Variants in RUFY3 observed in about 807,000 individuals in gnomAD.
RUFY3 encodes protein RUFY3.
Under a neutral mutation model 84.0 loss-of-function variants are expected in RUFY3, and 34 were observed. The observed-to-expected ratio is 0.40, with a 90% confidence interval of 0.31 to 0.54. The LOEUF (loss-of-function observed/expected upper bound fraction) is 0.54. RUFY3 is among the 20% of genes least tolerant of loss of function. The probability of loss-of-function intolerance (pLI) is 0.39; values close to 1 mark genes in which losing one functional copy is unlikely to be tolerated. For missense variants in RUFY3, 507 were observed against 736.8 expected, an observed-to-expected ratio of 0.69 and a Z score of 3.61; for synonymous variants, 242 against 252.9, an observed-to-expected ratio of 0.96 and a Z score of 0.41.
At chr4:70,708,479 ACTT>A (rs1484023526) in intron 1 of RUFY3, among the ~76,000 whole-genome samples, 1 of 152,232 alleles carries the variant, frequency 6.6e-6, no homozygotes, top group Non-Finnish European at 1.5e-5. Context: ...TTTTTAAAAG[ACTT>A]CTTAATTACG....
chr4:70,748,348 G>A (rs1362773111), intron 1 of RUFY3, among the ~76,000 whole-genome samples: 7 of 152,050 alleles, frequency 4.6e-5, no homozygotes, highest in East Asian at 3.9e-4. Context: ...TTGGAATACC[G>A]TCCTTCATGT....
chr4:70,768,300 AT>A (rs945635695), intron 4 of RUFY3, among the ~76,000 whole-genome samples: 32 of 152,074 alleles, frequency 2.1e-4, no homozygotes, highest in South Asian at 8.3e-4. Flanking sequence ...TGCGCCTATT[AT>A]TTTTTTCTTT....
intron 1 of RUFY3, among the ~76,000 whole-genome samples, chr4:70,761,582 G>C (rs995244529): frequency 1.6e-4 from 24 of 152,178 alleles, no homozygotes; most frequent in African/African-American, 5.6e-4. Flanking sequence ...GTTGTAAGGA[G>C]AGATGGAGAT....
At chr4:70,775,310 G>T (rs1727746473) in intron 7 of RUFY3, 77 bp downstream of exon 7, 2 of 977,512 alleles carry the variant, frequency 2.0e-6, no homozygotes, top group South Asian at 3.2e-5. Context: ...TGCGCAGTGA[G>T]GATAAATTCA....
chr4:70,741,569 T>C, intron 1 of RUFY3: 1 of 1,438,738 alleles, frequency 7.0e-7, no homozygotes, highest in East Asian at 2.5e-5. Flanking sequence ...AGCACTTTTC[T>C]TTCTGGGCTT....
At chr4:70,746,541 A>C (rs573769085) in intron 1 of RUFY3, among the ~76,000 whole-genome samples, 10 of 151,780 alleles carry the variant, frequency 6.6e-5, no homozygotes, top group African/African-American at 2.4e-4. Context: ...TACATGGAAG[A>C]CCATAATAAT....
intron 5 of RUFY3, among the ~76,000 whole-genome samples, chr4:70,769,209 G>A (rs1175835393): frequency 6.6e-6 from 1 of 152,074 alleles, no homozygotes. Flanking sequence ...AGCTGGTTGT[G>A]TAGCTACTTG....
chr4:70,803,670 C>T (rs75326229), intron 16 of RUFY3, among the ~76,000 whole-genome samples: 6,270 of 151,958 alleles, frequency 0.041, 291 homozygotes, highest in East Asian at 0.2. Context: ...CCTTGGCCTC[C>T]CAAAGTGCTG....
intron 1 of RUFY3, among the ~76,000 whole-genome samples, chr4:70,758,938 C>T (rs1578111107): frequency 1.3e-5 from 2 of 151,318 alleles, no homozygotes; most frequent in South Asian, 2.1e-4. Context: ...CTCGGGAGGC[C>T]GAGGCAGGAG....
intron 12 of RUFY3, chr4:70,791,771 T>C (rs1398053783): frequency 3.0e-6 from 3 of 988,858 alleles, no homozygotes; most frequent in Non-Finnish European, 3.6e-6. Context: ...AATAGTTCTG[T>C]GTCTCTTAGA....
intron 1 of RUFY3, among the ~76,000 whole-genome samples, chr4:70,708,399 T>C (rs1263483032): frequency 6.6e-6 from 1 of 152,018 alleles, no homozygotes; most frequent in East Asian, 1.9e-4. Context: ...TAGACTCAAG[T>C]GATCCACCCT....
chr4:70,743,586 T>A (rs1412384234), intron 1 of RUFY3, among the ~76,000 whole-genome samples: 1 of 152,172 alleles, frequency 6.6e-6, no homozygotes, highest in East Asian at 1.9e-4. Flanking sequence ...TCCTTTTTTT[T>A]AATTTTGTTT....
At chr4:70,751,009 C>A (rs539681446) in intron 1 of RUFY3, among the ~76,000 whole-genome samples, 13 of 152,200 alleles carry the variant, frequency 8.5e-5, no homozygotes, top group East Asian at 1.9e-4. Context: ...CACTTTGGGG[C>A]AAATTATGAA....
chr4:70,705,205 G>A (rs1238083363), exon 1 of RUFY3: 2 of 1,461,426 alleles, frequency 1.4e-6, no homozygotes, highest in Non-Finnish European at 1.8e-6. Flanking sequence ...CGCTCCTGGA[G>A]GACCCCGCCG....
At position 70,738,744 on chromosome 4, in the gene RUFY3, A is replaced by C. The variant is rs960062479; in HGVS notation, c.178+15993A>C. On this transcript the variant is annotated intron_variant, in intron 1 of 17. Coordinates refer to ENST00000381006, the MANE Select transcript of RUFY3 (RefSeq NM_001037442.4). Reference sequence around the variant, plus strand: ...TGCTCAATAAATTTTATTTTATTTTATTTTTATTATTTATATTATTTGTTT... The same window carrying C: ...TGCTCAATAAATTTTATTTTATTTTCTTTTTATTATTTATATTATTTGTTT... Among the ~76,000 whole-genome samples the C allele has an allele frequency of 2.0e-5, 3 of 150,744 alleles. No individual in the cohort carries two copies. In the East Asian group the frequency reaches 5.8e-4, roughly 29 times the overall value.
intron 1 of RUFY3, chr4:70,741,633 G>A (rs1280017153): frequency 6.6e-7 from 1 of 1,523,164 alleles, no homozygotes; most frequent in Non-Finnish European, 8.8e-7. Context: ...AAAGACTCTT[G>A]GGAGGATTTG....
intron 1 of RUFY3, among the ~76,000 whole-genome samples, chr4:70,752,390 T>C (rs1723278554): frequency 6.6e-6 from 1 of 152,192 alleles, no homozygotes; most frequent in Non-Finnish European, 1.5e-5. Flanking sequence ...TTCTTCCTTT[T>C]CAAACTGGAT....
intron 5 of RUFY3, among the ~76,000 whole-genome samples, chr4:70,773,061 A>G (rs1441671542): frequency 6.6e-6 from 1 of 152,258 alleles, no homozygotes; most frequent in Non-Finnish European, 1.5e-5. Flanking sequence ...AACAGACACC[A>G]AAATATTAGC....
At chr4:70,739,189 A>T (rs1296473879) in intron 1 of RUFY3, among the ~76,000 whole-genome samples, 1 of 152,134 alleles carries the variant, frequency 6.6e-6, no homozygotes, top group Non-Finnish European at 1.5e-5. Flanking sequence ...ATATATGACA[A>T]TTGCTTTGTT....
Sources: allele counts gnomAD v4.1 joint callset (sites outside exome capture counted in the v4.1 genomes callset), GRCh38; gene constraint gnomAD v4.1.1; transcripts MANE v1.5; gene names NCBI Gene and HGNC (gene_info 2026-07-23, HGNC 2026-07-21).